The following CA5B variants were observed in gnomAD, a reference collection of about 807,000 sequenced individuals.
The protein encoded by CA5B is carbonic anhydrase 5B, mitochondrial.
In CA5B, 15 loss-of-function variants were observed where a neutral mutation model predicts 23.1. The observed-to-expected ratio is 0.65, with a 90% confidence interval of 0.43 to 1.00. The LOEUF is 1.00. Ranked by LOEUF, CA5B falls within the 50% of genes least tolerant of loss-of-function variation. The pLI is 0.00. For missense variants in CA5B, 236 were observed against 252.2 expected, an observed-to-expected ratio of 0.94 and a Z score of 0.43; for synonymous variants, 84 against 98.5, an observed-to-expected ratio of 0.85 and a Z score of 0.87.
chrX:15,752,631 A>G (rs1194517648), intron 2 of CA5B, among the ~76,000 whole-genome samples: 2 of 110,788 alleles, frequency 1.8e-5, no homozygotes, highest in African/African-American at 3.3e-5. Context: ...ATGCTGAGGC[A>G]TGAGAATGGC....
chrX:15,748,287 A>G (rs1454100305), intron 1 of CA5B, among the ~76,000 whole-genome samples: 1 of 111,690 alleles, frequency 9.0e-6, no homozygotes, highest in Non-Finnish European at 1.9e-5. Context: ...TTGCTTGTCT[A>G]TGTCTGCAGC....
chrX:15,771,743 G>GT (rs1169326327), intron 3 of CA5B, among the ~76,000 whole-genome samples: 1 of 109,501 alleles, frequency 9.1e-6, no homozygotes, highest in Non-Finnish European at 1.9e-5. Flanking sequence ...CGGCCAGTGT[G>GT]TTTTTTCAAT....
At chrX:15,751,841 A>G (rs1455403621) in intron 2 of CA5B, among the ~76,000 whole-genome samples, 1 of 111,370 alleles carries the variant, frequency 9.0e-6, no homozygotes, top group Non-Finnish European at 1.9e-5. Flanking sequence ...TCCTGTTTCT[A>G]TGTTCTGGAC....
chrX:15,739,450 G>GT lies in CA5B; in HGVS notation c.-54+1113dup, dbSNP rs79951796. Among the ~76,000 whole-genome samples, 174 of 100,476 alleles carry GT rather than the reference G, an allele frequency of 1.7e-3. 1 individual carries two copies. The highest frequency in any genetic ancestry group is 0.01 in the Middle Eastern group (2 of 196). 87.3% of individuals were successfully genotyped at this position (100,476 alleles called of 115,157 possible). On this transcript the variant is annotated intron_variant, in intron 1 of 7. Transcript: ENST00000318636. The stretch of plus-strand genomic sequence containing the variant: ...CTTTCTAGGAATATTTTTTACTGAG[G>GT]TTTTTTTTTTTTTTTAACCTCAGCA...
chrX:15,782,394 T>C (rs1371626410), intron 7 of CA5B, 91 bp from the exon 8 acceptor site: 12 of 866,108 alleles, frequency 1.4e-5, no homozygotes, highest in African/African-American at 2.0e-5. Context: ...TTGCAACGAA[T>C]GCTCAGAATT....
chrX:15,778,328 G>A (rs1392984133), intron 7 of CA5B, among the ~76,000 whole-genome samples: 1 of 111,708 alleles, frequency 9.0e-6, no homozygotes, highest in Non-Finnish European at 1.9e-5. Flanking sequence ...ATAAATTTAT[G>A]TATTCCCAAT....
At chrX:15,772,210 A>G (rs5980180) in intron 3 of CA5B, among the ~76,000 whole-genome samples, 37,432 of 111,725 alleles carry the variant, frequency 0.34, 6,079 homozygotes, top group Non-Finnish European at 0.5. Flanking sequence ...TTTATTGCAC[A>G]CAAAAGAAAA....
Position 15,782,902 on chromosome X carries a change from T to G in CA5B, c.*238T>G. The G allele has an allele frequency of 6.5e-6, 2 of 308,425 alleles. No homozygotes were observed. Among genetic ancestry groups the G allele is most frequent in the Non-Finnish European group, 5.6e-6 (1 of 178,441 alleles). The allele number at this position is 308,425 out of a possible 1,213,427, so 25.4% of individuals were successfully genotyped here. On this transcript the variant is annotated 3_prime_UTR_variant, in exon 8 of 8. Coordinates refer to ENST00000318636, the MANE Select transcript of CA5B (RefSeq NM_007220.4). ...TGCCTTTTTTTTTTCTTTAAGAGAC[T>G]AGGTCTTGCTCTGCTGCCCAGGCTA...
intron 2 of CA5B, among the ~76,000 whole-genome samples, chrX:15,752,575 A>G (rs1601781252): frequency 9.0e-6 from 1 of 110,860 alleles, no homozygotes; most frequent in African/African-American, 3.3e-5. Flanking sequence ...AATACAGAAA[A>G]TTAGCCAGGC....
rs1932135990 is a variant in CA5B at position 15,787,374 on chromosome X, C to T, written c.*4710C>T. On this transcript the variant is annotated 3_prime_UTR_variant, in exon 8 of 8. Transcript: ENST00000318636. ...AGCAAGGAAGAAGGGAGAACTGGGT[C>T]AGTCCAAGGCCACCTGGAGAACTGT... is the stretch of plus-strand genomic sequence containing the variant. 8.9e-6 allele frequency: 1 copy of T among 111,932 alleles called. No homozygotes were observed. The highest frequency in any genetic ancestry group is 3.7e-4 in the South Asian group (1 of 2,678). 9.2% of individuals were successfully genotyped at this position (111,932 alleles called of 1,213,427 possible).
chrX:15,760,636 C>A (rs773428896), intron 2 of CA5B, among the ~76,000 whole-genome samples: 9 of 111,586 alleles, frequency 8.1e-5, no homozygotes, highest in African/African-American at 2.6e-4. Context: ...GACCTAATCA[C>A]TCCAGTTCTT....
rs754255029 is a variant in CA5B at position 15,740,824 on chromosome X, G to A, written c.-54+2472G>A. On this transcript the variant is annotated intron_variant, in intron 1 of 7. Coordinates refer to ENST00000318636, the MANE Select transcript of CA5B (RefSeq NM_007220.4). Reference sequence around the variant, plus strand: ...TACGCCTGTAATCCCAGCACTTTGGGAGGCTGAGGCGGGTGGATCGTTTGA... The same window carrying A: ...TACGCCTGTAATCCCAGCACTTTGGAAGGCTGAGGCGGGTGGATCGTTTGA... Among the ~76,000 whole-genome samples, 14 of 112,630 alleles carry A rather than the reference G, an allele frequency of 1.2e-4. No individual in the cohort carries two copies. In the South Asian group the frequency reaches 3.7e-3, roughly 29 times the overall value.
In CA5B at chrX:15,783,339, G is replaced by C. The variant is rs2147271108; in HGVS notation, c.*675G>C. ...CAGTGTTTAGTTGTTACAAGGACAT[G>C]ATATGCTTACTTACTATCAGTTTAT... On this transcript the variant is annotated 3_prime_UTR_variant, in exon 8 of 8. Coordinates refer to ENST00000318636, the MANE Select transcript of CA5B (RefSeq NM_007220.4). 1 of 111,993 alleles carries C rather than the reference G, an allele frequency of 8.9e-6. No individual in the cohort carries two copies. Among genetic ancestry groups the C allele is most frequent in the South Asian group, 3.7e-4 (1 of 2,734 alleles). 9.2% of individuals were successfully genotyped at this position (111,993 alleles called of 1,213,427 possible).
chrX:15,749,127 A>T (rs946020252), intron 1 of CA5B, among the ~76,000 whole-genome samples: 4 of 112,010 alleles, frequency 3.6e-5, no homozygotes, highest in Non-Finnish European at 5.6e-5. Flanking sequence ...TCTGTAGTGG[A>T]ATGAATGTGT....
intron 1 of CA5B, among the ~76,000 whole-genome samples, chrX:15,741,962 C>G (rs2147251289): frequency 8.9e-6 from 1 of 112,085 alleles, no homozygotes; most frequent in South Asian, 3.7e-4. Flanking sequence ...TATACTGTCA[C>G]TGCCCAGTTC....
rs530982120 is a variant in CA5B, at chrX:15,773,345, G to A, written c.459+731G>A. Among the ~76,000 whole-genome samples, 31 of 104,749 alleles carry A rather than the reference G, an allele frequency of 3.0e-4. 1 individual carries two copies. In the South Asian group the frequency reaches 0.012, roughly 41 times the overall value. The allele number at this position is 104,749 out of a possible 115,157, so 91.0% of individuals were successfully genotyped here. ...CACAATCACGGTTCACTGCAGCCTC[G>A]ACCTTAAGCAATCCTCCCACCTCAA... On this transcript the variant is annotated intron_variant, in intron 4 of 7. Transcript: ENST00000318636.
intron 3 of CA5B, among the ~76,000 whole-genome samples, chrX:15,767,625 G>A (rs867504258): frequency 9.0e-6 from 1 of 110,558 alleles, no homozygotes; most frequent in Non-Finnish European, 1.9e-5. Flanking sequence ...TTTTGCTCTT[G>A]TTGCCCAGGC....
chrX:15,768,399 C>T (rs1037389882), intron 3 of CA5B, among the ~76,000 whole-genome samples: 22 of 111,676 alleles, frequency 2.0e-4, no homozygotes, highest in Non-Finnish European at 4.0e-4. Context: ...TTTTAGATAC[C>T]TACAAACCCA....
chrX:15,761,047 G>C, intron 2 of CA5B, among the ~76,000 whole-genome samples: 1 of 111,502 alleles, frequency 9.0e-6, no homozygotes, highest in Non-Finnish European at 1.9e-5. Flanking sequence ...TTCCCTCTAA[G>C]ATGAAAAATA....
Sources: gnomAD v4.1 joint callset for allele counts (sites outside exome capture counted in the v4.1 genomes callset) on GRCh38, gnomAD v4.1.1 for gene constraint, MANE v1.5 for transcripts, NCBI Gene and HGNC (gene_info 2026-07-23, HGNC 2026-07-21) for gene names.